Variants in HS6ST3 observed in about 807,000 individuals in gnomAD.
The protein encoded by HS6ST3 is heparan sulfate 6-O-sulfotransferase 3.
HS6ST3 carries 12 observed loss-of-function variants against 36.7 expected under a neutral mutation model. The ratio of observed to expected loss-of-function variants is 0.33; its 90% confidence interval spans 0.21 to 0.53. The LOEUF (loss-of-function observed/expected upper bound fraction) is 0.53. Ranked by LOEUF, HS6ST3 falls within the 20% of genes least tolerant of loss-of-function variation. The probability of loss-of-function intolerance (pLI) is 0.95; values close to 1 mark genes in which losing one functional copy is unlikely to be tolerated. For missense variants in HS6ST3, 584 were observed against 640.9 expected (o/e 0.91, Z 0.96); for synonymous variants, 240 against 257.5 (o/e 0.93, Z 0.65).
intron 1 of HS6ST3, among the ~76,000 whole-genome samples, chr13:96,299,864 ACT>A (rs533752412): frequency 1.2e-3 from 184 of 152,192 alleles, no homozygotes; most frequent in African/African-American, 4.3e-3. Context: ...ACTAAAAAGA[ACT>A]ACTGGAGACT....
intron 1 of HS6ST3, among the ~76,000 whole-genome samples, chr13:96,500,632 C>T (rs1434250045): frequency 6.6e-6 from 1 of 152,060 alleles, no homozygotes; most frequent in Non-Finnish European, 1.5e-5. Flanking sequence ...GAGCCATGGA[C>T]CTCCAGTGAT....
intron 1 of HS6ST3, among the ~76,000 whole-genome samples, chr13:96,298,989 G>C (rs978142506): frequency 6.6e-6 from 1 of 152,166 alleles, no homozygotes; most frequent in Non-Finnish European, 1.5e-5. Context: ...TAACTTTTAG[G>C]TAAGCTAGAA....
chr13:96,460,810 C>A (rs993436228), intron 1 of HS6ST3, among the ~76,000 whole-genome samples: 2 of 152,144 alleles, frequency 1.3e-5, no homozygotes, highest in Non-Finnish European at 2.9e-5. Flanking sequence ...TCAGCACAGA[C>A]CTATTTGACT....
chr13:96,770,258 G>A (rs144117177), intron 1 of HS6ST3, among the ~76,000 whole-genome samples: 1 of 152,314 alleles, frequency 6.6e-6, no homozygotes, highest in African/African-American at 2.4e-5. Flanking sequence ...ATTTGTAGAA[G>A]CCAGTCTGGA....
chr13:96,352,016 G>A (rs1395340535), intron 1 of HS6ST3, among the ~76,000 whole-genome samples: 1 of 152,172 alleles, frequency 6.6e-6, no homozygotes, highest in African/African-American at 2.4e-5. Flanking sequence ...AAGATTTAAA[G>A]TATCTACTAA....
At position 96,317,841 on chromosome 13, in the gene HS6ST3, G is replaced by A. The variant is rs148840611; in HGVS notation, c.707+226272G>A. Among the ~76,000 whole-genome samples, 10 of 151,236 alleles carry A rather than the reference G, an allele frequency of 6.6e-5. No homozygotes were observed. In the East Asian group the frequency reaches 1.6e-3, roughly 24 times the overall value. On this transcript the variant is annotated intron_variant, in intron 1 of 1. Transcript: ENST00000376705. ...TATAATGAGCATTTTTAATATGTTT[G>A]TTAGCCACTCATATAGTCTTCTTTT...
At chr13:96,213,629 G>A (rs1035244009) in intron 1 of HS6ST3, among the ~76,000 whole-genome samples, 3 of 152,018 alleles carry the variant, frequency 2.0e-5, no homozygotes, top group Admixed American at 1.3e-4. Context: ...TAATGTCAGG[G>A]AATGGTGAAC....
At chr13:96,638,571 T>G (rs140840271) in intron 1 of HS6ST3, among the ~76,000 whole-genome samples, 169 of 152,048 alleles carry the variant, frequency 1.1e-3, no homozygotes, top group South Asian at 2.1e-3. Flanking sequence ...GCTGTTCTTG[T>G]GACAGCGAGT....
chr13:96,494,050 A>G (rs2055960142), intron 1 of HS6ST3, among the ~76,000 whole-genome samples: 1 of 152,104 alleles, frequency 6.6e-6, no homozygotes, highest in African/African-American at 2.4e-5. Context: ...GATGCATCAG[A>G]ATAACCCCTG....
At chr13:96,246,141 T>C (rs1049701843) in intron 1 of HS6ST3, among the ~76,000 whole-genome samples, 1 of 152,162 alleles carries the variant, frequency 6.6e-6, no homozygotes, top group African/African-American at 2.4e-5. Flanking sequence ...TAGTGACCTA[T>C]TAGTTTCTCT....
At chr13:96,366,292 A>G (rs760315202) in intron 1 of HS6ST3, among the ~76,000 whole-genome samples, 21 of 152,080 alleles carry the variant, frequency 1.4e-4, no homozygotes, top group Non-Finnish European at 2.9e-4. Flanking sequence ...CCTGGCCAAC[A>G]TGGTGAAACC....
intron 1 of HS6ST3, among the ~76,000 whole-genome samples, chr13:96,395,941 T>C (rs560992954): frequency 6.6e-6 from 1 of 152,244 alleles, no homozygotes; most frequent in South Asian, 2.1e-4. Context: ...CTTCCACTTA[T>C]TAGCTATGAG....
At chr13:96,381,469 G>A (rs1336518444) in intron 1 of HS6ST3, among the ~76,000 whole-genome samples, 3 of 117,050 alleles carry the variant, frequency 2.6e-5, no homozygotes, top group African/African-American at 8.3e-5. Context: ...TTCTTTTGGC[G>A]GTGGGGTTAA....
At chr13:96,300,853 G>A (rs1332279797) in intron 1 of HS6ST3, among the ~76,000 whole-genome samples, 1 of 152,096 alleles carries the variant, frequency 6.6e-6, no homozygotes. Flanking sequence ...ATGACCTCAA[G>A]AGAAATATTT....
At chr13:96,403,648 A>G (rs1011962673) in intron 1 of HS6ST3, among the ~76,000 whole-genome samples, 2 of 152,214 alleles carry the variant, frequency 1.3e-5, no homozygotes, top group Non-Finnish European at 2.9e-5. Context: ...ATTTGAAGCA[A>G]CTATTTGTTT....
intron 1 of HS6ST3, among the ~76,000 whole-genome samples, chr13:96,633,755 T>A (rs2056539921): frequency 3.9e-5 from 6 of 152,150 alleles, no homozygotes; most frequent in Admixed American, 3.9e-4. Context: ...GAGAGTAAGG[T>A]GATGCAAGAA....
At chr13:96,771,936 T>C (rs1360398872) in intron 1 of HS6ST3, among the ~76,000 whole-genome samples, 1 of 152,208 alleles carries the variant, frequency 6.6e-6, no homozygotes, top group Non-Finnish European at 1.5e-5. Context: ...GAAATACAGG[T>C]TGATGTGGTA....
At chr13:96,503,989 C>T (rs1474183910) in intron 1 of HS6ST3, among the ~76,000 whole-genome samples, 1 of 152,112 alleles carries the variant, frequency 6.6e-6, no homozygotes, top group African/African-American at 2.4e-5. Flanking sequence ...GAGAAGCAAG[C>T]TCTCTCCTGT....
intron 1 of HS6ST3, among the ~76,000 whole-genome samples, chr13:96,497,495 A>G (rs924185967): frequency 2.0e-5 from 3 of 152,192 alleles, no homozygotes; most frequent in African/African-American, 7.2e-5. Context: ...GTACCCTCAC[A>G]ATAACCTCAC....
Sources: gnomAD v4.1 joint callset for allele counts (sites outside exome capture counted in the v4.1 genomes callset) on GRCh38, gnomAD v4.1.1 for gene constraint, MANE v1.5 for transcripts, NCBI Gene and HGNC (gene_info 2026-07-23, HGNC 2026-07-21) for gene names.